Variants in MIDEAS observed in about 807,000 individuals in gnomAD.
MIDEAS encodes mitotic deacetylase associated SANT domain protein, also known as mitotic deacetylase-associated SANT domain protein.
In MIDEAS, 26 loss-of-function variants were observed where a neutral mutation model predicts 102.7. That is an observed-to-expected ratio of 0.25 (90% confidence interval 0.19 to 0.35). The LOEUF (loss-of-function observed/expected upper bound fraction) is 0.35, where lower values mean the gene tolerates loss of function less well. MIDEAS is among the 10% of genes least tolerant of loss of function. MIDEAS has a pLI of 1.00. For missense variants in MIDEAS, 1,231 were observed against 1,435.6 expected (o/e 0.86, Z 2.30); for synonymous variants, 585 against 591.0 (o/e 0.99, Z 0.15).
intron 1 of MIDEAS, among the ~76,000 whole-genome samples, chr14:73,753,253 C>G (rs927506769): frequency 6.6e-6 from 1 of 152,168 alleles, no homozygotes; most frequent in African/African-American, 2.4e-5. Context: ...GGGAGGTCTT[C>G]CCCACCCTTC....
intron 1 of MIDEAS, among the ~76,000 whole-genome samples, chr14:73,745,289 T>A (rs540314568): frequency 1.3e-5 from 2 of 152,180 alleles, no homozygotes; most frequent in South Asian, 4.1e-4. Flanking sequence ...TGCCCTTGAC[T>A]GTCACCTGCT....
At position 73,718,996 on chromosome 14, in the gene MIDEAS, C is replaced by A; in HGVS notation, c.3147G>T (p.Lys1049Asn). Residue 1049 changes from lysine to asparagine, a missense_variant, in exon 13 of 13, where the codon AAG (lysine) becomes AAT (asparagine). Lys to Asn is a moderately conservative substitution (Grantham distance 94). This residue lies in a region of MIDEAS where 391 missense variants were observed against 483.0 expected (regional missense o/e 0.81). Coordinates refer to ENST00000423556, the MANE Select transcript of MIDEAS (RefSeq NM_001367710.1). Reference protein sequence around the residue: ...PCKKCGRVFYKVKSRSAHMKS... With the variant: ...PCKKCGRVFYNVKSRSAHMKS... ...TCATATGCGCACTGCGGCTCTTCAC[C>A]TTGTAAAACACCCTGCAGCCGGGTG... is the stretch of plus-strand genomic sequence containing the variant. The A allele has an allele frequency of 6.7e-7, 1 of 1,490,372 alleles. No individual in the cohort carries two copies. Among genetic ancestry groups the A allele is most frequent in the South Asian group, 1.3e-5 (1 of 76,366 alleles). The allele number at this position is 1,490,372 out of a possible 1,614,324, so 92.3% of individuals were successfully genotyped here.
chr14:73,739,562 C>A lies in MIDEAS; in HGVS notation c.447G>T (p.Pro149=). ...LSLYSATKGS[P]HPGVGVPTYY... is the part of the protein sequence containing the mutation. Reference sequence around the variant, plus strand: ...AAGTCGGGACTCCCACTCCAGGATGCGGGCTCCCCTTGGTTGCACTGTAGA... The same window carrying A: ...AAGTCGGGACTCCCACTCCAGGATGAGGGCTCCCCTTGGTTGCACTGTAGA... Residue 149 remains proline, a synonymous_variant, in exon 2 of 13, where the codon CCG becomes CCT. Coordinates refer to ENST00000423556, the MANE Select transcript of MIDEAS (RefSeq NM_001367710.1). 1 of 1,614,172 alleles carries A rather than the reference C, an allele frequency of 6.2e-7. No homozygotes were observed.
intron 3 of MIDEAS, among the ~76,000 whole-genome samples, chr14:73,731,934 C>T (rs929338813): frequency 2.6e-5 from 4 of 152,322 alleles, no homozygotes; most frequent in African/African-American, 7.2e-5. Context: ...AAAACACAAA[C>T]CTCCCCCCAA....
At chr14:73,769,629 TCTCA>T (rs1170614433) in intron 1 of MIDEAS, among the ~76,000 whole-genome samples, 3 of 152,032 alleles carry the variant, frequency 2.0e-5, no homozygotes, top group Non-Finnish European at 4.4e-5. Flanking sequence ...TGAGATGGAG[TCTCA>T]CTCTATTGCC....
upstream of MIDEAS, among the ~76,000 whole-genome samples, chr14:73,764,339 CAAAAAAAAA>C (rs5809629): frequency 2.3e-5 from 2 of 88,256 alleles, no homozygotes; most frequent in Non-Finnish European, 4.4e-5. Context: ...GACCCTGTCT[CAAAAAAAAA>C]AAAAAAAAAA....
Position 73,729,871 on chromosome 14 carries a change from G to T in MIDEAS, c.1864C>A (p.Pro622Thr), listed in dbSNP as rs1472409997. Residue 622 changes from proline (P) to threonine (T), a missense_variant, in exon 4 of 13, where the codon CCC becomes ACC. This residue lies in a region of MIDEAS where 758 missense variants were observed against 856.0 expected (regional missense o/e 0.89). Coordinates refer to ENST00000423556, the MANE Select transcript of MIDEAS (RefSeq NM_001367710.1). Reference sequence around the variant, plus strand: ...TATGGGGTGATGTTGGAGTAGACGGGAGGGGCGATGAAAGTGCCCGCCTTG... The same window carrying T: ...TATGGGGTGATGTTGGAGTAGACGGTAGGGGCGATGAAAGTGCCCGCCTTG... ...PTKAGTFIAP[P>T]VYSNITPYQS... 1 of 1,613,858 alleles carries T rather than the reference G, an allele frequency of 6.2e-7. No homozygotes were observed. The highest frequency in any genetic ancestry group is 1.3e-5 in the African/African-American group (1 of 75,062).
At chr14:73,756,278 G>GTC (rs2053478551) in intron 1 of MIDEAS, among the ~76,000 whole-genome samples, 1 of 88,758 alleles carries the variant, frequency 1.1e-5, no homozygotes, top group South Asian at 4.6e-4. Flanking sequence ...GTGTGTGTGT[G>GTC]TGTGTGTGTG....
At chr14:73,730,196 A>G (rs779365902) in intron 3 of MIDEAS, 16 of 712,476 alleles carry the variant, frequency 2.2e-5, no homozygotes, top group Non-Finnish European at 4.2e-5. Context: ...GGGGCCAGAG[A>G]GTAAATATTT....
intron 1 of MIDEAS, among the ~76,000 whole-genome samples, chr14:73,783,203 A>G (rs184622961): frequency 3.9e-4 from 59 of 152,288 alleles, no homozygotes; most frequent in Non-Finnish European, 4.6e-4. Context: ...CCAGGACTCA[A>G]GGTTTTCCTC....
Position 73,730,210 on chromosome 14 carries a change from G to C in MIDEAS, c.1750-225C>G, listed in dbSNP as rs957450265. On this transcript the variant is annotated intron_variant, in intron 3 of 12. Transcript: ENST00000423556. ...AGGGGCCAGAGAGTAAATATTTTAG[G>C]CTTTGTGGGCCACATGTGATCTCTG... The C allele has an allele frequency of 4.3e-6, 3 of 705,496 alleles. No homozygotes were observed. The East Asian group carries it at 8.2e-5, about 19-fold the overall frequency. 43.7% of individuals were successfully genotyped at this position (705,496 alleles called of 1,614,324 possible).
At chr14:73,733,915 G>T (rs1006883812) in intron 3 of MIDEAS, among the ~76,000 whole-genome samples, 1 of 151,834 alleles carries the variant, frequency 6.6e-6, no homozygotes, top group Non-Finnish European at 1.5e-5. Flanking sequence ...GGCTGGTCTT[G>T]AACTACTGGC....
At chr14:73,771,824 G>A (rs929655011) in intron 1 of MIDEAS, among the ~76,000 whole-genome samples, 1 of 152,216 alleles carries the variant, frequency 6.6e-6, no homozygotes, top group African/African-American at 2.4e-5. Flanking sequence ...TGAGCAAGAC[G>A]CTACCTCACT....
At chr14:73,720,883 A>G (rs1401707373) in intron 11 of MIDEAS, among the ~76,000 whole-genome samples, 3 of 152,208 alleles carry the variant, frequency 2.0e-5, no homozygotes, top group African/African-American at 7.2e-5. Context: ...GTCTCAGCTC[A>G]GTCTCATTCT....
At position 73,783,849 on chromosome 14, in the gene MIDEAS, C is replaced by T. The variant is rs1325262534; in HGVS notation, c.-248+3253G>A. ...TGGAAAACTGTAGCGTGTTCTTAAG[C>T]GACTAGAATGCCCTCTTTAGCTGGG... On this transcript the variant is annotated intron_variant, in intron 1 of 11. Coordinates refer to the MIDEAS transcript ENST00000394071. Among the ~76,000 whole-genome samples, 8 of 152,164 alleles carry T rather than the reference C, an allele frequency of 5.3e-5. No homozygotes were observed. In the South Asian group the frequency reaches 8.3e-4, roughly 16 times the overall value.
Position 73,773,494 on chromosome 14 carries a change from T to C in MIDEAS, c.-248+13608A>G, listed in dbSNP as rs370463623. On this transcript the variant is annotated intron_variant, in intron 1 of 11. Transcript: ENST00000394071. ...AAATGAGCCCACCCCTCCCTGGACA[T>C]CAACCCACTCCCTCCACCACTCAGG... is the stretch of plus-strand genomic sequence containing the variant. Among the ~76,000 whole-genome samples the C allele has an allele frequency of 5.9e-5, 9 of 151,846 alleles. No individual in the cohort carries two copies. The East Asian group carries it at 9.8e-4, about 16-fold the overall frequency.
upstream of MIDEAS, among the ~76,000 whole-genome samples, chr14:73,761,911 T>C (rs560421169): frequency 7.9e-5 from 12 of 152,258 alleles, no homozygotes; most frequent in South Asian, 1.7e-3. Context: ...CAGTGAGCAA[T>C]TGAGGAACTG....
intron 1 of MIDEAS, among the ~76,000 whole-genome samples, chr14:73,753,163 T>A (rs978676451): frequency 5.3e-5 from 8 of 152,250 alleles, no homozygotes; most frequent in African/African-American, 1.9e-4. Flanking sequence ...GGCCCACAGC[T>A]GAGTCCTCCA....
intron 1 of MIDEAS, among the ~76,000 whole-genome samples, chr14:73,743,641 A>C (rs2053310998): frequency 6.6e-6 from 1 of 151,878 alleles, no homozygotes; most frequent in African/African-American, 2.4e-5. Context: ...CCTTCCTCAC[A>C]GTGAGGAAGA....
Sources: allele counts gnomAD v4.1 joint callset (sites outside exome capture counted in the v4.1 genomes callset), GRCh38; gene constraint gnomAD v4.1.1; regional missense constraint gnomAD v4.1.1; transcripts MANE v1.5; gene names NCBI Gene and HGNC (gene_info 2026-07-23, HGNC 2026-07-21).